The following MIS18A variants were observed in gnomAD, a reference collection of about 807,000 sequenced individuals.
MIS18A encodes the protein protein Mis18-alpha.
A neutral mutation model predicts 25.0 loss-of-function variants in MIS18A; 14 were observed. The ratio of observed to expected loss-of-function variants is 0.56; its 90% CI spans 0.37 to 0.88. The LOEUF (loss-of-function observed/expected upper bound fraction) is 0.88, where lower values mean the gene tolerates loss of function less well. MIS18A is among the 40% of genes least tolerant of loss of function. MIS18A has a pLI of 0.00. For missense variants in MIS18A, 292 were observed against 290.8 expected, an observed-to-expected ratio of 1.00 and a Z score of -0.03; for synonymous variants, 134 against 118.6, an observed-to-expected ratio of 1.13 and a Z score of -0.84.
At chr21:32,263,278 G>A (rs1475597347), downstream of MIS18A, among the ~76,000 whole-genome samples, 1 of 152,144 alleles carries the variant, frequency 6.6e-6, no homozygotes, top group Non-Finnish European at 1.5e-5. Context: ...AGGAGAGGTG[G>A]AGAATGTGGC....
the MIS18A span, among the ~76,000 whole-genome samples, chr21:32,154,751 C>T: frequency 6.6e-6 from 1 of 151,644 alleles, no homozygotes; most frequent in African/African-American, 2.4e-5. Context: ...TATAATTCTA[C>T]AGTGTTATTT....
At chr21:32,252,224 AAGAAGAAGAAGAAGAAGGAGGAGGAGG>A in the MIS18A span, among the ~76,000 whole-genome samples, 175 of 102,402 alleles carry the variant, frequency 1.7e-3, no homozygotes, top group Middle Eastern at 0.026. Context: ...GAAGAAGAAG[AAGAAGAAGAAGAAGAAGGAGGAGGAGG>A]AGGAGGAGGA....
At chr21:32,229,495 T>C in the MIS18A span, among the ~76,000 whole-genome samples, 1 of 152,140 alleles carries the variant, frequency 6.6e-6, no homozygotes, top group East Asian at 1.9e-4. Context: ...AATTACCCGC[T>C]GCATTAGTAA....
At chr21:32,248,374 C>A in the MIS18A span, among the ~76,000 whole-genome samples, 1 of 152,170 alleles carries the variant, frequency 6.6e-6, no homozygotes, top group Non-Finnish European at 1.5e-5. Flanking sequence ...GATCTGCACT[C>A]AAGCTTCTTC....
intron 1 of MIS18A, among the ~76,000 whole-genome samples, chr21:32,277,424 C>A (rs1407180902): frequency 6.6e-6 from 1 of 152,134 alleles, no homozygotes; most frequent in African/African-American, 2.4e-5. Context: ...AAACAAAGAG[C>A]TTTTCCTACC....
chr21:32,242,624 A>G, the MIS18A span, among the ~76,000 whole-genome samples: 1 of 152,216 alleles, frequency 6.6e-6, no homozygotes, highest in Non-Finnish European at 1.5e-5. Context: ...GTATTCTTGA[A>G]TGTAGACAGT....
chr21:32,235,019 G>C, the MIS18A span, among the ~76,000 whole-genome samples: 2 of 152,158 alleles, frequency 1.3e-5, no homozygotes, highest in African/African-American at 4.8e-5. Context: ...TCTCCTCCCA[G>C]CATGGGTCTC....
chr21:32,250,889 T>C, the MIS18A span, among the ~76,000 whole-genome samples: 1 of 152,222 alleles, frequency 6.6e-6, no homozygotes, highest in Non-Finnish European at 1.5e-5. Context: ...ACTTGAATTG[T>C]AGTTCCCATA....
At chr21:32,194,812 T>C in the MIS18A span, among the ~76,000 whole-genome samples, 2 of 152,178 alleles carry the variant, frequency 1.3e-5, no homozygotes, top group African/African-American at 2.4e-5. Flanking sequence ...AAACTGCAAC[T>C]TCTCACTTAC....
the MIS18A span, among the ~76,000 whole-genome samples, chr21:32,218,329 C>T: frequency 4.6e-5 from 7 of 152,028 alleles, no homozygotes; most frequent in East Asian, 1.2e-3. Context: ...GAAGAAGCAA[C>T]CACATGAAGA....
the MIS18A span, among the ~76,000 whole-genome samples, chr21:32,248,893 G>C: frequency 1.3e-5 from 2 of 152,252 alleles, no homozygotes; most frequent in South Asian, 2.1e-4. Flanking sequence ...CAGTAAACTT[G>C]CCTTTTTTTC....
At chr21:32,238,950 GAA>G in the MIS18A span, among the ~76,000 whole-genome samples, 1 of 150,024 alleles carries the variant, frequency 6.7e-6, no homozygotes, top group African/African-American at 2.4e-5. Context: ...TTTCTTGGGG[GAA>G]AAAAAAATAC....
chr21:32,189,963 G>A, the MIS18A span, among the ~76,000 whole-genome samples: 3 of 152,146 alleles, frequency 2.0e-5, no homozygotes, highest in Non-Finnish European at 4.4e-5. Context: ...ACTCACACAA[G>A]GAACAACCCT....
intron 2 of MIS18A, among the ~76,000 whole-genome samples, chr21:32,273,375 CA>C (rs1228343813): frequency 6.6e-6 from 1 of 152,004 alleles, no homozygotes; most frequent in Non-Finnish European, 1.5e-5. Flanking sequence ...CCAAAACTTC[CA>C]ACCCTCTAAT....
At chr21:32,202,110 G>A in the MIS18A span, among the ~76,000 whole-genome samples, 39 of 151,966 alleles carry the variant, frequency 2.6e-4, no homozygotes, top group Admixed American at 1.6e-3. Context: ...GAAACATGGC[G>A]AGACGTTGTC....
chr21:32,237,720 T>A, the MIS18A span, among the ~76,000 whole-genome samples: 1 of 152,218 alleles, frequency 6.6e-6, no homozygotes. Context: ...TTTTACAAAT[T>A]GCAAAATTGT....
At chr21:32,193,478 AGGT>A in the MIS18A span, among the ~76,000 whole-genome samples, 1 of 83,240 alleles carries the variant, frequency 1.2e-5, no homozygotes, top group African/African-American at 3.9e-5. Flanking sequence ...ATAGATAGAT[AGGT>A]AGATAGATAG....
At chr21:32,205,580 G>C in the MIS18A span, among the ~76,000 whole-genome samples, 1 of 152,058 alleles carries the variant, frequency 6.6e-6, no homozygotes, top group African/African-American at 2.4e-5. Context: ...GTGTGTTTTG[G>C]GGGTGGAGAG....
chr21:32,211,133 C>T, the MIS18A span, among the ~76,000 whole-genome samples: 2 of 152,124 alleles, frequency 1.3e-5, no homozygotes, highest in African/African-American at 4.8e-5. Flanking sequence ...ATTTGCCTCC[C>T]GGGTTCAAGC....
Sources: gnomAD v4.1 joint callset for allele counts (sites outside exome capture counted in the v4.1 genomes callset) on GRCh38, gnomAD v4.1.1 for gene constraint, MANE v1.5 for transcripts, NCBI Gene and HGNC (gene_info 2026-07-23, HGNC 2026-07-21) for gene names.